Variants in NDRG1 observed in about 807,000 individuals in gnomAD.
NDRG1 encodes protein NDRG1.
In NDRG1, 32 loss-of-function variants were observed where a neutral mutation model predicts 56.9. The observed-to-expected ratio is 0.56, with a 90% CI of 0.42 to 0.76. The LOEUF (loss-of-function observed/expected upper bound fraction) is 0.76. Ranked by LOEUF, NDRG1 falls within the 30% of genes least tolerant of loss-of-function variation. The pLI is 0.00. For synonymous variants in NDRG1, 211 were observed against 204.1 expected (o/e 1.03, Z -0.29); for missense variants, 507 against 545.7 (o/e 0.93, Z 0.71).
At chr8:133,248,038 C>T in intron 11 of NDRG1, 112 bp from the exon 12 acceptor site, 1 of 1,000,030 alleles carries the variant, frequency 1.0e-6, no homozygotes, top group Non-Finnish European at 1.6e-6. Context: ...ATTTTGGTTT[C>T]CCCAACACCC....
intron 12 of NDRG1, 38 bp from the exon 13 acceptor site, chr8:133,246,701 G>T: frequency 6.2e-7 from 1 of 1,605,596 alleles, no homozygotes; most frequent in Non-Finnish European, 8.5e-7. Context: ...TTTTCTACGT[G>T]AAGCCAAAGC....
At chr8:133,239,312 G>A in intron 15 of NDRG1, 193 bp from the exon 16 acceptor site, 1 of 886,338 alleles carries the variant, frequency 1.1e-6, no homozygotes, top group South Asian at 1.6e-5. Flanking sequence ...CCCAGATGCG[G>A]GAAGGAACTG....
intron 1 of NDRG1, among the ~76,000 whole-genome samples, chr8:133,289,525 ACTGT>A (rs1380510215): frequency 4.6e-5 from 7 of 152,092 alleles, no homozygotes; most frequent in African/African-American, 1.4e-4. Flanking sequence ...CTCCACCAGC[ACTGT>A]CTGTCAATGA....
chr8:133,274,413 AT>A (rs1032176665), intron 3 of NDRG1, among the ~76,000 whole-genome samples: 5 of 152,258 alleles, frequency 3.3e-5, no homozygotes, highest in Admixed American at 3.3e-4. Context: ...AGCAGTAATT[AT>A]TTTTCAAGGA....
intron 2 of NDRG1, among the ~76,000 whole-genome samples, chr8:133,283,689 G>A (rs779902739): frequency 1.3e-5 from 2 of 152,234 alleles, no homozygotes; most frequent in African/African-American, 2.4e-5. Context: ...AAGTCCTAAT[G>A]TCACCATTTT....
intron 13 of NDRG1, among the ~76,000 whole-genome samples, chr8:133,245,315 T>C (rs1221022213): frequency 6.6e-6 from 1 of 152,136 alleles, no homozygotes; most frequent in African/African-American, 2.4e-5. Flanking sequence ...CTGTAGGTTG[T>C]GGTTGAATTG....
intron 7 of NDRG1, 100 bp from the exon 8 acceptor site, chr8:133,256,963 G>C (rs1856409348): frequency 1.8e-6 from 2 of 1,120,564 alleles, no homozygotes; most frequent in Non-Finnish European, 1.3e-6. Flanking sequence ...CCCAGAAAAA[G>C]GCAGTGTGGG....
chr8:133,244,871 T>G (rs1375242355), intron 13 of NDRG1, among the ~76,000 whole-genome samples: 1 of 152,186 alleles, frequency 6.6e-6, no homozygotes, highest in Non-Finnish European at 1.5e-5. Flanking sequence ...GTACCCTTCC[T>G]AAATGGTGGA....
rs553797349 is a variant in NDRG1 at position 133,239,082 on chromosome 8, G to A, written c.981C>T (p.Arg327=). The change falls in exon 16 of 16, where the codon CGC becomes CGT. Residue 327 remains arginine, a synonymous_variant. Coordinates refer to ENST00000323851, the MANE Select transcript of NDRG1 (RefSeq NM_006096.4). ...SASMTRLMRS[R]TASGSSVTSL... is the part of the protein sequence containing the mutation. ...AAGTGACGCTGGAACCAGAGGCTGT[G>A]CGGGACCGCATCAGGCGGGTCATGC... The A allele has an allele frequency of 3.8e-6, 6 of 1,574,788 alleles. No homozygotes were observed. In the Admixed American group the frequency reaches 9.4e-5, roughly 25 times the overall value.
chr8:133,264,312 T>G (rs981789449), intron 4 of NDRG1, among the ~76,000 whole-genome samples: 3 of 152,234 alleles, frequency 2.0e-5, no homozygotes, highest in Admixed American at 6.5e-5. Context: ...CTGCCACAGA[T>G]AGCAAACAGC....
intron 3 of NDRG1, among the ~76,000 whole-genome samples, chr8:133,269,860 C>G (rs1056710136): frequency 6.6e-6 from 1 of 152,208 alleles, no homozygotes; most frequent in African/African-American, 2.4e-5. Context: ...CAAACAGAAT[C>G]GAGAAATAAT....
intron 15 of NDRG1, chr8:133,241,800 C>T (rs1855397067): frequency 3.3e-6 from 2 of 610,982 alleles, no homozygotes; most frequent in Middle Eastern, 2.7e-4. Flanking sequence ...TGGTGTGAAA[C>T]AACTTCTATT....
At chr8:133,263,658 G>GT (rs1204521280) in intron 4 of NDRG1, among the ~76,000 whole-genome samples, 1 of 152,210 alleles carries the variant, frequency 6.6e-6, no homozygotes, top group East Asian at 1.9e-4. Flanking sequence ...GCTCATGCCT[G>GT]TAATCCCAGC....
intron 1 of NDRG1, among the ~76,000 whole-genome samples, chr8:133,295,158 A>C (rs2976579): frequency 6.6e-6 from 1 of 152,080 alleles, no homozygotes; most frequent in East Asian, 1.9e-4. Context: ...CAACACCTCC[A>C]CCCATGCACA....
At chr8:133,266,870 G>C (rs1385693450) in intron 3 of NDRG1, among the ~76,000 whole-genome samples, 1 of 152,174 alleles carries the variant, frequency 6.6e-6, no homozygotes, top group African/African-American at 2.4e-5. Context: ...AACCCACTGG[G>C]GGGTTGCTGG....
intron 5 of NDRG1, among the ~76,000 whole-genome samples, chr8:133,261,363 CTCGG>C (rs2130734083): frequency 6.6e-6 from 1 of 152,320 alleles, no homozygotes; most frequent in South Asian, 2.1e-4. Flanking sequence ...AACTCCCAAC[CTCGG>C]TGGTCCGCCC....
At chr8:133,285,536 C>G (rs1858061047) in intron 1 of NDRG1, among the ~76,000 whole-genome samples, 1 of 152,240 alleles carries the variant, frequency 6.6e-6, no homozygotes. Flanking sequence ...TAGGGCTCCT[C>G]TGAAGACCCA....
chr8:133,279,041 C>G (rs962669868), intron 3 of NDRG1, among the ~76,000 whole-genome samples: 2 of 152,142 alleles, frequency 1.3e-5, no homozygotes, highest in Non-Finnish European at 2.9e-5. Flanking sequence ...AGGTGCTTAC[C>G]ACCATGCCTG....
intron 5 of NDRG1, among the ~76,000 whole-genome samples, chr8:133,260,983 G>C (rs1427113481): frequency 6.6e-6 from 1 of 152,122 alleles, no homozygotes; most frequent in Non-Finnish European, 1.5e-5. Context: ...TGCCCATACA[G>C]ATCACGAGCT....
Sources: gnomAD v4.1 joint callset for allele counts (sites outside exome capture counted in the v4.1 genomes callset) on GRCh38, gnomAD v4.1.1 for gene constraint, MANE v1.5 for transcripts, NCBI Gene and HGNC (gene_info 2026-07-23, HGNC 2026-07-21) for gene names.